LRP8: variants seen among roughly 807,000 people sequenced by gnomAD.
LRP8 encodes the protein LDL receptor related protein 8.
Under a neutral mutation model 111.6 loss-of-function variants are expected in LRP8, and 46 were observed. The observed-to-expected ratio is 0.41, with a 90% CI of 0.33 to 0.53. LRP8 has a LOEUF of 0.53. Ranked by LOEUF, LRP8 falls within the 20% of genes least tolerant of loss-of-function variation. LRP8 has a pLI of 0.20. For missense variants in LRP8, 959 were observed against 1,297.4 expected, an observed-to-expected ratio of 0.74 and a Z score of 4.01; for synonymous variants, 464 against 511.2, an observed-to-expected ratio of 0.91 and a Z score of 1.24.
In LRP8 at chr1:53,284,263, CGGGCCACTTACTTACTACATACCT is replaced by C. The variant is rs1279480068; in HGVS notation, c.368-3572_368-3549del. On this transcript the variant is annotated intron_variant, in intron 3 of 18. Transcript: ENST00000306052. ...CCGGGCCACTTACTTACTACATACCCGGGCCACTTACTTACTACATACCTGGGCCACTTACTTACTACATACCTG... is the reference window on the plus strand; with the variant it reads ...CCGGGCCACTTACTTACTACATACCCGGGCCACTTACTTACTACATACCTG... 6.2e-3 allele frequency among the ~76,000 whole-genome samples: 933 copies of C among 149,554 alleles called. 8 individuals carry two copies. Among genetic ancestry groups the C allele is most frequent in the South Asian group, 0.012 (55 of 4,632 alleles).
chr1:53,271,011 C>T lies in LRP8; in HGVS notation c.1252+17G>A. On this transcript the variant is annotated intron_variant, in intron 8 of 18. Transcript: ENST00000306052. ...ATGCCTTTCAGAGCTGCCCCTCTGC[C>T]CTTGGGGTGTTCATACCAGCAGCCT... 2 of 1,613,998 alleles carry T rather than the reference C, an allele frequency of 1.2e-6. No individual in the cohort carries two copies. The highest frequency in any genetic ancestry group is 2.2e-5 in the East Asian group (1 of 44,882).
At chr1:53,253,336 A>T (rs990999539) in intron 16 of LRP8, among the ~76,000 whole-genome samples, 31 of 152,314 alleles carry the variant, frequency 2.0e-4, no homozygotes, top group African/African-American at 7.2e-4. Flanking sequence ...AGACTGGAAG[A>T]AAATATTTGT....
chr1:53,298,348 G>A (rs1343095825), intron 2 of LRP8, among the ~76,000 whole-genome samples: 1 of 152,246 alleles, frequency 6.6e-6, no homozygotes, highest in Non-Finnish European at 1.5e-5. Context: ...ACAGCTGAGG[G>A]GCTGGGAGGA....
intron 2 of LRP8, among the ~76,000 whole-genome samples, chr1:53,290,169 C>T (rs543394925): frequency 8.2e-4 from 125 of 152,246 alleles, no homozygotes; most frequent in African/African-American, 3.0e-3. Flanking sequence ...AGATGAATGA[C>T]GTATTTTGTG....
intron 2 of LRP8, among the ~76,000 whole-genome samples, chr1:53,299,079 C>A (rs1052376850): frequency 6.6e-6 from 1 of 152,212 alleles, no homozygotes; most frequent in African/African-American, 2.4e-5. Flanking sequence ...CAAGAACCCA[C>A]GAGGCGCAGA....
At chr1:53,264,095 A>C in intron 10 of LRP8, 74 bp downstream of exon 10, 1 of 1,422,772 alleles carries the variant, frequency 7.0e-7, no homozygotes, top group South Asian at 1.2e-5. Flanking sequence ...AACCCTCAAG[A>C]TAGCCCTTGT....
At chr1:53,327,076 G>A (rs931224192) in intron 1 of LRP8, 84 bp from the exon 2 acceptor site, 5 of 1,552,042 alleles carry the variant, frequency 3.2e-6, no homozygotes, top group African/African-American at 2.7e-5. Flanking sequence ...GGAAGGACCC[G>A]CTGGGGAGGA....
At chr1:53,305,630 C>T (rs1474028677) in intron 2 of LRP8, among the ~76,000 whole-genome samples, 4 of 152,346 alleles carry the variant, frequency 2.6e-5, no homozygotes, top group Admixed American at 6.5e-5. Flanking sequence ...TCAGAAGCCT[C>T]GTCCCTGGCT....
Position 53,264,197 on chromosome 1 carries a change from G to T in LRP8, c.1627C>A (p.Arg543=), listed in dbSNP as rs531724097. The T allele has an allele frequency of 1.2e-6, 2 of 1,614,172 alleles. No individual in the cohort carries two copies. The highest frequency in any genetic ancestry group is 3.3e-5 in the Admixed American group (2 of 60,026). Residue 543 remains arginine, a synonymous_variant, in exon 10 of 19, where the codon CGG becomes AGG. Transcript: ENST00000306052. ...TLFSRNLSEP[R]AIAVDPLRGF... ...CGCAGGGGGTCAACAGCGATGGCCCGGGGTTCACTGAGGTTACGGCTGAAG... is the reference window on the plus strand; with the variant it reads ...CGCAGGGGGTCAACAGCGATGGCCCTGGGTTCACTGAGGTTACGGCTGAAG...
At chr1:53,288,568 G>C (rs1270509759) in intron 3 of LRP8, 2 of 152,110 alleles carry the variant, frequency 1.3e-5, no homozygotes, top group African/African-American at 2.4e-5. Flanking sequence ...CTCTTATGTG[G>C]AGACTGGTAG....
Position 53,302,627 on chromosome 1 carries a change from C to T in LRP8, c.245-12938G>A, listed in dbSNP as rs147978639. ...CCTCTCGCTTTTTCCTTTGCTTGCA[C>T]TGCATTAGGAATGAGATGACCTGGG... On this transcript the variant is annotated intron_variant, in intron 2 of 18. Coordinates refer to ENST00000306052, the MANE Select transcript of LRP8 (RefSeq NM_004631.5). Among the ~76,000 whole-genome samples, 540 of 151,992 alleles carry T rather than the reference C, an allele frequency of 3.6e-3. 2 individuals are homozygous for T. The highest frequency in any genetic ancestry group is 6.1e-3 in the Non-Finnish European group (416 of 68,022).
In LRP8 at chr1:53,242,809, TAAA is replaced by T. The variant is rs1401098454; in HGVS notation, c.*4206_*4208del. On this transcript the variant is annotated 3_prime_UTR_variant, in exon 19 of 19. Coordinates refer to ENST00000306052, the MANE Select transcript of LRP8 (RefSeq NM_004631.5). Reference sequence around the variant, plus strand: ...TATTTGTTTTCTCTTGTAGTTTTTGTAAAAAAGTATCAAAACCTTGGCTTTAAA... The same window carrying T: ...TATTTGTTTTCTCTTGTAGTTTTTGTAAAGTATCAAAACCTTGGCTTTAAA... 5.3e-5 allele frequency: 8 copies of T among 150,550 alleles called. No homozygotes were observed. The allele number at this position is 150,550 out of a possible 1,614,324, so 9.3% of individuals were successfully genotyped here. A position where few individuals can be genotyped will look rare whatever the true frequency, so the allele number is the denominator to read the frequency against.
intron 2 of LRP8, among the ~76,000 whole-genome samples, chr1:53,302,520 T>G (rs1651120166): frequency 6.6e-6 from 1 of 152,082 alleles, no homozygotes; most frequent in Admixed American, 6.6e-5. Flanking sequence ...CCAAGACCCA[T>G]CTCCTTTTGT....
chr1:53,275,723 T>G lies in LRP8; in HGVS notation c.914A>C (p.Gln305Pro). The change falls in exon 6 of 19, where the codon CAG (glutamine) becomes CCG (proline). Residue 305 changes from glutamine (Q) to proline (P), a missense_variant. Gln to Pro is a moderately conservative substitution (Grantham distance 76, BLOSUM62 -1). Coordinates refer to ENST00000306052, the MANE Select transcript of LRP8 (RefSeq NM_004631.5). This position sits in a 1 kb window ranked among gnomAD's most constrained non-coding sequence, Gnocchi z 4.4. ...PLGTCRGDEFQCGDGTCVLAI... is the reference protein window; with the variant it reads ...PLGTCRGDEFPCGDGTCVLAI... Reference sequence around the variant, plus strand: ...AAGGACACATGTCCCATCCCCACACTGGAACTCGTCCCCACGGCAGGTGCC... The same window carrying G: ...AAGGACACATGTCCCATCCCCACACGGGAACTCGTCCCCACGGCAGGTGCC... The G allele has an allele frequency of 5.6e-6, 9 of 1,614,000 alleles. No homozygotes were observed. Among genetic ancestry groups the G allele is most frequent in the Non-Finnish European group, 7.6e-6 (9 of 1,179,960 alleles).
chr1:53,287,155 T>C (rs979576517), intron 3 of LRP8, among the ~76,000 whole-genome samples: 54 of 152,358 alleles, frequency 3.5e-4, no homozygotes, highest in African/African-American at 1.2e-3. Flanking sequence ...CCGTGGAGGT[T>C]GCTATGGCAA....
Position 53,266,517 on chromosome 1 carries a change from G to A in LRP8, c.1383C>T (p.Thr461=), listed in dbSNP as rs1335949000. The change falls in exon 9 of 19, where the codon ACC becomes ACT. Residue 461 remains threonine (T), a synonymous_variant. Coordinates refer to ENST00000306052, the MANE Select transcript of LRP8 (RefSeq NM_004631.5). This position sits in a 1 kb window ranked among gnomAD's most constrained non-coding sequence, Gnocchi z 5.0. ...NVVALDVEVA[T]NRIYWCDLSY... ...AGAGGTCACACCAGTAGATGCGATT[G>A]GTGGCAACTTCCACATCTAGTGCCA... is the stretch of plus-strand genomic sequence containing the variant. 1 of 1,614,082 alleles carries A rather than the reference G, an allele frequency of 6.2e-7. No homozygotes were observed. The highest frequency in any genetic ancestry group is 8.5e-7 in the Non-Finnish European group (1 of 1,180,052).
intron 18 of LRP8, among the ~76,000 whole-genome samples, chr1:53,248,020 C>G (rs1645780837): frequency 6.6e-6 from 1 of 152,160 alleles, no homozygotes; most frequent in South Asian, 2.1e-4. Context: ...TTAGTTTTAT[C>G]ATCTATCAAA....
chr1:53,265,650 G>C (rs1646525125), intron 9 of LRP8, among the ~76,000 whole-genome samples: 1 of 152,214 alleles, frequency 6.6e-6, no homozygotes, highest in African/African-American at 2.4e-5. Flanking sequence ...CGGAGTGTCT[G>C]TATGTTGCAG....
At position 53,279,971 on chromosome 1, in the gene LRP8, C is replaced by T. The variant is rs1225083875; in HGVS notation, c.496+616G>A. Among the ~76,000 whole-genome samples the T allele has an allele frequency of 2.0e-5, 3 of 152,238 alleles. No individual in the cohort carries two copies. Among genetic ancestry groups the T allele is most frequent in the African/African-American group, 7.2e-5 (3 of 41,458 alleles). ...GCCTGCTCCCTGGGAAGGAGATAAT[C>T]CTGTGTTTGAAGCTCAGTGATGTGG... On this transcript the variant is annotated intron_variant, in intron 4 of 18. Coordinates refer to ENST00000306052, the MANE Select transcript of LRP8 (RefSeq NM_004631.5). This position sits in a 1 kb window ranked among gnomAD's most constrained non-coding sequence, Gnocchi z 4.4.
Sources: allele counts gnomAD v4.1 joint callset (sites outside exome capture counted in the v4.1 genomes callset), GRCh38; gene constraint gnomAD v4.1.1; non-coding constraint Gnocchi (gnomAD v3.1); transcripts MANE v1.5; gene names NCBI Gene and HGNC (gene_info 2026-07-23, HGNC 2026-07-21).